The following KCNIP4 variants were observed in gnomAD, a reference collection of about 807,000 sequenced individuals.
The protein encoded by KCNIP4 is Kv channel-interacting protein 4.
Under a neutral mutation model 34.0 loss-of-function variants are expected in KCNIP4, and 12 were observed. The ratio of observed to expected loss-of-function variants is 0.35; its 90% CI spans 0.23 to 0.57. The LOEUF (loss-of-function observed/expected upper bound fraction) is 0.57. KCNIP4 is among the 20% of genes least tolerant of loss of function. KCNIP4 has a pLI of 0.83. For missense variants in KCNIP4, 238 were observed against 311.7 expected (o/e 0.76, Z 1.78); for synonymous variants, 124 against 102.2 (o/e 1.21, Z -1.29).
chr4:21,509,986 C>T (rs1232102324), intron 1 of KCNIP4, among the ~76,000 whole-genome samples: 5 of 149,292 alleles, frequency 3.3e-5, no homozygotes, highest in South Asian at 2.2e-4. Flanking sequence ...GGTGTGGTGG[C>T]GCCTGCCTGT....
chr4:20,977,460 G>A (rs1735600906), intron 1 of KCNIP4, among the ~76,000 whole-genome samples: 1 of 152,072 alleles, frequency 6.6e-6, no homozygotes, highest in Non-Finnish European at 1.5e-5. Context: ...TTCAACCACA[G>A]GTGTGTTTCC....
At chr4:21,763,606 T>G (rs1051327433) in intron 1 of KCNIP4, among the ~76,000 whole-genome samples, 4 of 152,170 alleles carry the variant, frequency 2.6e-5, no homozygotes, top group African/African-American at 9.6e-5. Flanking sequence ...AGCTTGGGTC[T>G]GTCCCCTGAG....
intron 1 of KCNIP4, among the ~76,000 whole-genome samples, chr4:20,976,830 T>C (rs111474333): frequency 1.3e-5 from 2 of 152,112 alleles, no homozygotes; most frequent in African/African-American, 4.8e-5. Context: ...AGCAAAAAGA[T>C]GAACTTTTTC....
intron 1 of KCNIP4, among the ~76,000 whole-genome samples, chr4:20,987,343 C>T (rs1410710260): frequency 6.6e-6 from 1 of 152,176 alleles, no homozygotes; most frequent in Non-Finnish European, 1.5e-5. Context: ...CTTTCTCCCT[C>T]ATTCACTGAC....
chr4:21,858,555 G>A lies in KCNIP4; in HGVS notation c.61+90016C>T, dbSNP rs186609565. On this transcript the variant is annotated intron_variant, in intron 1 of 8. Coordinates refer to ENST00000382152, the MANE Select transcript of KCNIP4 (RefSeq NM_025221.6). ...GAGTTTACATAGAAATTATGGTTAT[G>A]CGATGAAGAATTCAACTCAAAAGGT... Among the ~76,000 whole-genome samples the A allele has an allele frequency of 1.3e-3, 205 of 152,238 alleles. 2 individuals are homozygous for A. The highest frequency in any genetic ancestry group is 6.8e-3 in the Middle Eastern group (2 of 294).
intron 1 of KCNIP4, among the ~76,000 whole-genome samples, chr4:21,608,136 A>G (rs1743859468): frequency 6.6e-6 from 1 of 152,002 alleles, no homozygotes; most frequent in Admixed American, 6.6e-5. Flanking sequence ...TCTACTCTAC[A>G]TTCCCTTTCT....
chr4:21,224,796 AG>A (rs1196040188), intron 1 of KCNIP4, among the ~76,000 whole-genome samples: 1 of 151,828 alleles, frequency 6.6e-6, no homozygotes, highest in Non-Finnish European at 1.5e-5. Flanking sequence ...CATGTTGGCC[AG>A]GCTGCTCTTG....
At chr4:21,089,860 C>T (rs139992122) in intron 1 of KCNIP4, among the ~76,000 whole-genome samples, 265 of 152,290 alleles carry the variant, frequency 1.7e-3, no homozygotes, top group African/African-American at 6.2e-3. Flanking sequence ...AAATGCAAAG[C>T]CTGATCTCTG....
intron 1 of KCNIP4, chr4:21,851,682 A>G (rs1389307394): frequency 1.3e-5 from 2 of 152,176 alleles, no homozygotes; most frequent in Admixed American, 6.5e-5. Context: ...GAAGGCTGCT[A>G]GTTTCTGGGA....
At chr4:20,827,317 C>T (rs55774022) in intron 3 of KCNIP4, among the ~76,000 whole-genome samples, 1,775 of 152,176 alleles carry the variant, frequency 0.012, 45 homozygotes, top group African/African-American at 0.04. Flanking sequence ...AAGGCATGGA[C>T]GGGATTGCTT....
intron 2 of KCNIP4, among the ~76,000 whole-genome samples, chr4:20,851,988 T>C (rs73242528): frequency 0.35 from 53,474 of 151,970 alleles, 10,410 homozygotes; most frequent in Admixed American, 0.46. Context: ...GCAGTCCAGT[T>C]TGGGTGACAG....
At chr4:20,746,430 G>A (rs1302481562) in intron 5 of KCNIP4, among the ~76,000 whole-genome samples, 1 of 151,960 alleles carries the variant, frequency 6.6e-6, no homozygotes, top group Non-Finnish European at 1.5e-5. Flanking sequence ...TAGGTGATGA[G>A]TTGATGGGTG....
chr4:21,171,181 C>A (rs11932968), intron 1 of KCNIP4, among the ~76,000 whole-genome samples: 23 of 152,188 alleles, frequency 1.5e-4, no homozygotes, highest in Non-Finnish European at 2.8e-4. Flanking sequence ...ATGGCAAAAT[C>A]TAACTGCATC....
intron 1 of KCNIP4, among the ~76,000 whole-genome samples, chr4:21,900,645 A>G (rs1414635096): frequency 1.3e-5 from 2 of 152,232 alleles, no homozygotes; most frequent in Non-Finnish European, 2.9e-5. Flanking sequence ...TACTTTGAAT[A>G]TACTACATTT....
chr4:21,258,290 C>T (rs182214727), intron 1 of KCNIP4, among the ~76,000 whole-genome samples: 5 of 152,274 alleles, frequency 3.3e-5, no homozygotes, highest in African/African-American at 4.8e-5. Flanking sequence ...AACACTGATA[C>T]TACCGAGTAA....
In KCNIP4 at chr4:21,880,164, G is replaced by A. The variant is rs1225060909; in HGVS notation, c.61+68407C>T. Among the ~76,000 whole-genome samples, 9 of 152,240 alleles carry A rather than the reference G, an allele frequency of 5.9e-5. No individual in the cohort carries two copies. In the South Asian group the frequency reaches 1.5e-3, roughly 25 times the overall value. On this transcript the variant is annotated intron_variant, in intron 1 of 8. Coordinates refer to ENST00000382152, the MANE Select transcript of KCNIP4 (RefSeq NM_025221.6). ...TTTTTAAGGAGATATGGCATGGGGAGACTTTTGTCATGCTATTAAGCATTC... is the reference window on the plus strand; with the variant it reads ...TTTTTAAGGAGATATGGCATGGGGAAACTTTTGTCATGCTATTAAGCATTC...
At chr4:21,187,705 C>T (rs1755342201) in intron 1 of KCNIP4, among the ~76,000 whole-genome samples, 2 of 148,154 alleles carry the variant, frequency 1.3e-5, no homozygotes, top group Non-Finnish European at 3.0e-5. Flanking sequence ...TCAGAATCCT[C>T]ATTTTTTTTT....
intron 1 of KCNIP4, among the ~76,000 whole-genome samples, chr4:21,777,486 C>A (rs28779778): frequency 0.07 from 10,697 of 152,188 alleles, 1,313 homozygotes; most frequent in African/African-American, 0.25. Flanking sequence ...CATTTTTATA[C>A]CAGATGTAAT....
chr4:21,332,108 T>G (rs1463499378), intron 1 of KCNIP4, among the ~76,000 whole-genome samples: 2 of 152,066 alleles, frequency 1.3e-5, no homozygotes, highest in Non-Finnish European at 2.9e-5. Context: ...AAAGCTAGTG[T>G]TAATCCAGAC....
Sources: gnomAD v4.1 joint callset for allele counts (sites outside exome capture counted in the v4.1 genomes callset) on GRCh38, gnomAD v4.1.1 for gene constraint, MANE v1.5 for transcripts, NCBI Gene and HGNC (gene_info 2026-07-23, HGNC 2026-07-21) for gene names.